ARHGEF7: variants seen among roughly 807,000 people sequenced by gnomAD.
ARHGEF7 encodes Rho guanine nucleotide exchange factor 7.
A neutral mutation model predicts 109.8 loss-of-function variants in ARHGEF7; 33 were observed. The ratio of observed to expected loss-of-function variants is 0.30; its 90% CI spans 0.23 to 0.40. ARHGEF7 has a LOEUF of 0.40. ARHGEF7 is among the 10% of genes least tolerant of loss of function. ARHGEF7 has a pLI of 1.00. For missense variants in ARHGEF7, 938 were observed against 1,098.5 expected, an observed-to-expected ratio of 0.85 and a Z score of 2.07; for synonymous variants, 458 against 424.6, an observed-to-expected ratio of 1.08 and a Z score of -0.97.
chr13:111,299,834 A>G (rs1162588430), intron 19 of ARHGEF7, among the ~76,000 whole-genome samples: 1 of 152,200 alleles, frequency 6.6e-6, no homozygotes, highest in African/African-American at 2.4e-5. Context: ...CGTGTCTCCA[A>G]CATGAGTGTC....
chr13:111,116,050 A>G (rs2066745527), intron 1 of ARHGEF7, among the ~76,000 whole-genome samples: 1 of 152,148 alleles, frequency 6.6e-6, no homozygotes, highest in Admixed American at 6.5e-5. Flanking sequence ...CCGCATCGGA[A>G]ACCGCGTTCC....
intron 16 of ARHGEF7, among the ~76,000 whole-genome samples, chr13:111,285,491 TC>T (rs2092980982): frequency 1.3e-5 from 2 of 152,144 alleles, no homozygotes; most frequent in South Asian, 4.1e-4. Context: ...TTTTTTGCCG[TC>T]GTCTTCTGTG....
At chr13:111,290,730 C>T (rs868853245) in intron 18 of ARHGEF7, among the ~76,000 whole-genome samples, 5 of 152,198 alleles carry the variant, frequency 3.3e-5, no homozygotes, top group African/African-American at 1.2e-4. Context: ...TTGAACGATA[C>T]ATTGATTTTT....
intron 19 of ARHGEF7, among the ~76,000 whole-genome samples, chr13:111,298,789 G>T (rs1453718566): frequency 6.6e-6 from 1 of 152,212 alleles, no homozygotes; most frequent in Non-Finnish European, 1.5e-5. Context: ...GTCTGCTGCT[G>T]CCAGCTGGTA....
At chr13:111,247,273 CTT>C (rs5806892) in intron 8 of ARHGEF7, among the ~76,000 whole-genome samples, 6 of 146,260 alleles carry the variant, frequency 4.1e-5, no homozygotes, top group Non-Finnish European at 3.0e-5. Context: ...CATACTCATT[CTT>C]TTTTTTTTTT....
At chr13:111,283,723 G>A (rs571480716) in intron 16 of ARHGEF7, among the ~76,000 whole-genome samples, 4 of 152,300 alleles carry the variant, frequency 2.6e-5, no homozygotes, top group South Asian at 2.1e-4. Flanking sequence ...GCTGTCTGCT[G>A]CGTCTAACGA....
chr13:111,277,821 T>C, intron 13 of ARHGEF7, 148 bp downstream of exon 13: 1 of 575,022 alleles, frequency 1.7e-6, no homozygotes, highest in Non-Finnish European at 3.0e-6. Context: ...GTACAGCTCC[T>C]GTTTGTGTTT....
upstream of ARHGEF7, chr13:111,114,742 C>CA (rs1325871509): frequency 6.6e-6 from 1 of 152,278 alleles, no homozygotes; most frequent in African/African-American, 2.4e-5. Flanking sequence ...CCGTCTAGAG[C>CA]AGAGTCGCGC....
intron 20 of ARHGEF7, among the ~76,000 whole-genome samples, chr13:111,301,074 G>A (rs532791862): frequency 2.6e-5 from 4 of 152,042 alleles, no homozygotes; most frequent in South Asian, 2.1e-4. Context: ...TCAGCCTCCC[G>A]AGTAGCTGGG....
In ARHGEF7 at chr13:111,131,298, G is replaced by A. The variant is rs368345133; in HGVS notation, c.165+15607G>A. Among the ~76,000 whole-genome samples the A allele has an allele frequency of 6.6e-6, 1 of 152,032 alleles. No homozygotes were observed. Among genetic ancestry groups the A allele is most frequent in the African/African-American group, 2.4e-5 (1 of 41,392 alleles). On this transcript the variant is annotated intron_variant, in intron 1 of 21. Coordinates refer to ENST00000646102, the MANE Select transcript of ARHGEF7 (RefSeq NM_001354046.2). The surrounding 1 kb of genome is among the most constrained non-coding windows in gnomAD (Gnocchi z 4.4). Reference sequence around the variant, plus strand: ...GGCAGACAGGGGGACAGTGATTTGGGTGACTCCTGGGTTTCTGGTTGCACA... The same window carrying A: ...GGCAGACAGGGGGACAGTGATTTGGATGACTCCTGGGTTTCTGGTTGCACA...
At chr13:111,115,020 C>A (rs1324357451), upstream of ARHGEF7, 2 of 151,804 alleles carry the variant, frequency 1.3e-5, no homozygotes, top group African/African-American at 4.8e-5. Context: ...CCGAGTGCCC[C>A]GGCCAGGGGC....
At chr13:111,223,136 A>AGT (rs2084698621) in intron 5 of ARHGEF7, among the ~76,000 whole-genome samples, 1 of 152,198 alleles carries the variant, frequency 6.6e-6, no homozygotes, top group African/African-American at 2.4e-5. Context: ...TCAGACATCC[A>AGT]GTGGGCAGTC....
At chr13:111,169,890 C>T (rs1323719258) in intron 2 of ARHGEF7, among the ~76,000 whole-genome samples, 7 of 152,048 alleles carry the variant, frequency 4.6e-5, no homozygotes, top group African/African-American at 1.7e-4. Flanking sequence ...AAGGAATGAG[C>T]GTGTGAACAA....
chr13:111,158,820 C>T (rs9588367), intron 2 of ARHGEF7, among the ~76,000 whole-genome samples: 6,110 of 152,190 alleles, frequency 0.04, 145 homozygotes, highest in African/African-American at 0.047. Flanking sequence ...ATGATTAAGT[C>T]GGGAATGAAC....
chr13:111,122,996 C>T (rs2067296664), intron 1 of ARHGEF7, among the ~76,000 whole-genome samples: 1 of 152,230 alleles, frequency 6.6e-6, no homozygotes, highest in African/African-American at 2.4e-5. Flanking sequence ...GGACACAAAG[C>T]AGAGTGGAGA....
In ARHGEF7 at chr13:111,255,663, A is replaced by C. The variant is rs977840740; in HGVS notation, c.950+11369A>C. Among the ~76,000 whole-genome samples, 1 of 152,218 alleles carries C rather than the reference A, an allele frequency of 6.6e-6. No individual in the cohort carries two copies. Among genetic ancestry groups the C allele is most frequent in the African/African-American group, 2.4e-5 (1 of 41,448 alleles). ...CTGAGTGAGCTGGCTGGTGTTCGTG[A>C]AAGAAGATCTGTTTTCAGTCACATT... On this transcript the variant is annotated intron_variant, in intron 8 of 21. Coordinates refer to ENST00000646102, the MANE Select transcript of ARHGEF7 (RefSeq NM_001354046.2). The surrounding 1 kb of genome is among the most constrained non-coding windows in gnomAD (Gnocchi z 4.1).
At chr13:111,262,122 T>C (rs2091158036) in intron 8 of ARHGEF7, among the ~76,000 whole-genome samples, 1 of 152,158 alleles carries the variant, frequency 6.6e-6, no homozygotes, top group South Asian at 2.1e-4. Context: ...TGGAAGTAAA[T>C]GAATTTGAAA....
intron 2 of ARHGEF7, among the ~76,000 whole-genome samples, chr13:111,191,964 A>G (rs1245274607): frequency 2.0e-5 from 3 of 152,204 alleles, no homozygotes; most frequent in Non-Finnish European, 4.4e-5. Context: ...ATGAAATAGT[A>G]AAAGGATTCC....
At chr13:111,132,915 CACAT>C (rs2074838860) in intron 1 of ARHGEF7, among the ~76,000 whole-genome samples, 1 of 151,890 alleles carries the variant, frequency 6.6e-6, no homozygotes, top group Admixed American at 6.6e-5. Context: ...TATACACACA[CACAT>C]ACATGTACAC....
Sources: allele counts gnomAD v4.1 joint callset (sites outside exome capture counted in the v4.1 genomes callset), GRCh38; gene constraint gnomAD v4.1.1; non-coding constraint Gnocchi (gnomAD v3.1); transcripts MANE v1.5; gene names NCBI Gene and HGNC (gene_info 2026-07-23, HGNC 2026-07-21).